Variants in DTL observed in about 807,000 individuals in gnomAD.
The protein encoded by DTL is denticleless protein homolog.
A neutral mutation model predicts 87.0 loss-of-function variants in DTL; 46 were observed. The ratio of observed to expected loss-of-function variants is 0.53; its 90% confidence interval spans 0.42 to 0.68. The LOEUF (loss-of-function observed/expected upper bound fraction) is 0.68, where lower values mean the gene tolerates loss of function less well. Among genes scored for constraint, DTL ranks in the 30% least tolerant of loss-of-function variants. DTL has a pLI of 0.00. For missense variants in DTL, 737 were observed against 869.4 expected, an observed-to-expected ratio of 0.85 and a Z score of 1.91; for synonymous variants, 308 against 311.2, an observed-to-expected ratio of 0.99 and a Z score of 0.11.
chr1:212,065,551 G>C (rs928652501), intron 7 of DTL, among the ~76,000 whole-genome samples: 2 of 151,814 alleles, frequency 1.3e-5, no homozygotes, highest in Non-Finnish European at 2.9e-5. Flanking sequence ...TACACACACA[G>C]ACACAAACAC....
rs1655034431 is a variant in DTL at position 212,083,118 on chromosome 1, T to C, written c.1261+2368T>C. On this transcript the variant is annotated intron_variant, in intron 13 of 14. Coordinates refer to ENST00000366991, the MANE Select transcript of DTL (RefSeq NM_016448.4). ...CTTGGCAATTTACAAAAGAAAGAGG[T>C]TTAATGACTTACAGTTCCACATGAC... Among the ~76,000 whole-genome samples the C allele has an allele frequency of 2.0e-5, 3 of 151,926 alleles. No individual in the cohort carries two copies. In the South Asian group the frequency reaches 6.2e-4, roughly 32 times the overall value.
intron 5 of DTL, among the ~76,000 whole-genome samples, chr1:212,053,237 T>A (rs1035144616): frequency 2.0e-5 from 3 of 152,204 alleles, no homozygotes; most frequent in East Asian, 1.9e-4. Flanking sequence ...TTTTTTTTTT[T>A]AATTTCAGAT....
At chr1:212,091,130 A>ATATTCCTAATTTTAAT (rs1376336373) in intron 13 of DTL, among the ~76,000 whole-genome samples, 1 of 152,246 alleles carries the variant, frequency 6.6e-6, no homozygotes, top group Non-Finnish European at 1.5e-5. Flanking sequence ...CCTAATTTTA[A>ATATTCCTAATTTTAAT]AATGGACAAA....
At chr1:212,042,342 T>C (rs1478184582) in intron 1 of DTL, among the ~76,000 whole-genome samples, 1 of 152,226 alleles carries the variant, frequency 6.6e-6, no homozygotes, top group East Asian at 1.9e-4. Context: ...TACCCATCTT[T>C]CAAGACCTCC....
chr1:212,079,278 G>A (rs896056448), intron 12 of DTL, among the ~76,000 whole-genome samples: 1 of 151,702 alleles, frequency 6.6e-6, no homozygotes, highest in Non-Finnish European at 1.5e-5. Context: ...TTACTAAGTT[G>A]AATGATTTTT....
chr1:212,068,429 T>C (rs1654575364), intron 9 of DTL, 102 bp downstream of exon 9: 2 of 914,596 alleles, frequency 2.2e-6, no homozygotes, highest in East Asian at 2.6e-5. Context: ...TTCTAATATG[T>C]GAAGTTCAAA....
intron 11 of DTL, 117 bp downstream of exon 11, chr1:212,072,330 T>C: frequency 1.3e-6 from 1 of 769,334 alleles, no homozygotes; most frequent in Non-Finnish European, 2.2e-6. Context: ...CTGCATCAGA[T>C]ATTTAGTAAA....
chr1:212,095,022 C>T (rs974247836), intron 13 of DTL, among the ~76,000 whole-genome samples: 3 of 152,166 alleles, frequency 2.0e-5, no homozygotes, highest in Admixed American at 2.0e-4. Context: ...GGTATACAAT[C>T]ATATCATTTA....
chr1:212,071,098 G>A (rs1247102404), intron 10 of DTL, among the ~76,000 whole-genome samples: 1 of 152,162 alleles, frequency 6.6e-6, no homozygotes. Context: ...AAAAATGTCT[G>A]ATGTGAGGAG....
At chr1:212,064,348 C>T (rs1446450855) in intron 6 of DTL, among the ~76,000 whole-genome samples, 2 of 152,146 alleles carry the variant, frequency 1.3e-5, no homozygotes, top group African/African-American at 4.8e-5. Flanking sequence ...TTGTTATAAT[C>T]AGTTAACCTA....
intron 10 of DTL, 111 bp downstream of exon 10, chr1:212,068,814 G>T: frequency 1.6e-6 from 1 of 620,350 alleles, no homozygotes; most frequent in Non-Finnish European, 2.8e-6. Flanking sequence ...GCCATATGAG[G>T]ACTTTGGCAT....
At chr1:212,043,828 C>CAAAAAA (rs35962372) in intron 2 of DTL, among the ~76,000 whole-genome samples, 8 of 83,680 alleles carry the variant, frequency 9.6e-5, no homozygotes, top group Non-Finnish European at 1.0e-4. Context: ...ACTTCATCTC[C>CAAAAAA]AAAAAAAAAA....
rs529505390 is a variant in DTL at position 212,104,877 on chromosome 1, C to T, written c.*1937C>T. ...GTCCTTTTCTGAGCTTTTTGCATTACCTAGAAGCAGTCTACAAAAAAGAAC... is the reference window on the plus strand; with the variant it reads ...GTCCTTTTCTGAGCTTTTTGCATTATCTAGAAGCAGTCTACAAAAAAGAAC... On this transcript the variant is annotated 3_prime_UTR_variant, in exon 15 of 15. Transcript: ENST00000366991. The T allele has an allele frequency of 1.3e-5, 2 of 152,108 alleles. No homozygotes were observed. Among genetic ancestry groups the T allele is most frequent in the Non-Finnish European group, 2.9e-5 (2 of 68,018 alleles). The allele number at this position is 152,108 out of a possible 1,614,324, so 9.4% of individuals were successfully genotyped here.
chr1:212,061,289 T>C (rs1172600666), intron 5 of DTL, among the ~76,000 whole-genome samples: 1 of 151,952 alleles, frequency 6.6e-6, no homozygotes, highest in Non-Finnish European at 1.5e-5. Context: ...AATAGACATT[T>C]CGCGAAAGAA....
intron 13 of DTL, among the ~76,000 whole-genome samples, chr1:212,086,380 G>T (rs1655129899): frequency 6.6e-6 from 1 of 152,044 alleles, no homozygotes; most frequent in South Asian, 2.1e-4. Flanking sequence ...CCTCCACTTT[G>T]ACATAATTTT....
At chr1:212,089,212 G>T (rs1421402718) in intron 13 of DTL, among the ~76,000 whole-genome samples, 2 of 152,174 alleles carry the variant, frequency 1.3e-5, no homozygotes, top group Admixed American at 6.5e-5. Context: ...CTCATATATT[G>T]CTTAAGGTCA....
chr1:212,039,838 C>G (rs1667585447), intron 1 of DTL, among the ~76,000 whole-genome samples: 1 of 152,076 alleles, frequency 6.6e-6, no homozygotes, highest in Non-Finnish European at 1.5e-5. Flanking sequence ...AAAATGGTAA[C>G]ACCTGTGGAG....
intron 13 of DTL, among the ~76,000 whole-genome samples, chr1:212,093,728 A>G (rs1655358063): frequency 6.6e-6 from 1 of 151,936 alleles, no homozygotes; most frequent in Non-Finnish European, 1.5e-5. Flanking sequence ...CACAACATCC[A>G]GCCACCATGT....
chr1:212,066,753 C>T (rs1386920743), intron 7 of DTL, 59 bp from the exon 8 acceptor site: 9 of 1,541,062 alleles, frequency 5.8e-6, no homozygotes, highest in Non-Finnish European at 7.1e-6. Flanking sequence ...ACCTTGTTCC[C>T]TTGATGGTAA....
Sources: allele counts gnomAD v4.1 joint callset (sites outside exome capture counted in the v4.1 genomes callset), GRCh38; gene constraint gnomAD v4.1.1; transcripts MANE v1.5; gene names NCBI Gene and HGNC (gene_info 2026-07-23, HGNC 2026-07-21).